Variants in MMP26 observed in about 807,000 individuals in gnomAD.
The protein encoded by MMP26 is matrix metalloproteinase-26.
A neutral mutation model predicts 31.0 loss-of-function variants in MMP26; 33 were observed. That is an observed-to-expected ratio of 1.06 (90% CI 0.81 to 1.42). The LOEUF is 1.42. Among genes scored for constraint, MMP26 ranks in the 40% most tolerant of loss-of-function variants. The probability of loss-of-function intolerance (pLI) is 0.00; values close to 1 mark genes in which losing one functional copy is unlikely to be tolerated. For synonymous variants in MMP26, 122 were observed against 114.9 expected, an observed-to-expected ratio of 1.06 and a Z score of -0.40; for missense variants, 347 against 316.1, an observed-to-expected ratio of 1.10 and a Z score of -0.74.
rs1007355429 is a variant in MMP26 at position 4,722,377 on chromosome 11, T to C, written c.-217+17332T>C. On this transcript the variant is annotated intron_variant, in intron 1 of 7. Transcript: ENST00000380390. ...ATAATGACTCCTTGATCTTAATAGG[T>C]CTACTTTTACTTAATCTTAAATACT... is the stretch of plus-strand genomic sequence containing the variant. Among the ~76,000 whole-genome samples the C allele has an allele frequency of 2.6e-5, 4 of 152,032 alleles. No homozygotes were observed. In the East Asian group the frequency reaches 7.7e-4, roughly 29 times the overall value.
intron 2 of MMP26, among the ~76,000 whole-genome samples, chr11:4,892,340 G>T (rs1295973120): frequency 6.6e-6 from 1 of 152,114 alleles, no homozygotes; most frequent in Non-Finnish European, 1.5e-5. Flanking sequence ...ACTCCAATTA[G>T]GTCAGCTCAG....
At chr11:4,810,162 G>A (rs1849330295) in intron 2 of MMP26, among the ~76,000 whole-genome samples, 1 of 152,162 alleles carries the variant, frequency 6.6e-6, no homozygotes, top group Admixed American at 6.5e-5. Context: ...TAGGAAGGCA[G>A]GGGATTTGAA....
chr11:4,742,496 A>G (rs1038732786), intron 1 of MMP26, among the ~76,000 whole-genome samples: 1 of 152,146 alleles, frequency 6.6e-6, no homozygotes, highest in African/African-American at 2.4e-5. Flanking sequence ...CCGGATGCCT[A>G]GATATATGAT....
intron 2 of MMP26, among the ~76,000 whole-genome samples, chr11:4,980,718 ATTACT>A (rs778688138): frequency 6.6e-6 from 1 of 152,076 alleles, no homozygotes; most frequent in Non-Finnish European, 1.5e-5. Flanking sequence ...AATATGAAAG[ATTACT>A]TTGTGGTGAC....
At chr11:4,860,440 A>T (rs1427703803) in intron 2 of MMP26, 1 of 470,956 alleles carries the variant, frequency 2.1e-6, no homozygotes. Flanking sequence ...ACCATTTCCC[A>T]GGAGTGTGAG....
intron 1 of MMP26, among the ~76,000 whole-genome samples, chr11:4,717,708 A>G (rs999608771): frequency 2.0e-5 from 3 of 152,188 alleles, no homozygotes; most frequent in Non-Finnish European, 4.4e-5. Context: ...AGATTTTCAC[A>G]TACGTTAATC....
At chr11:4,821,436 T>C (rs759337817) in intron 2 of MMP26, 1 of 1,613,940 alleles carries the variant, frequency 6.2e-7, no homozygotes, top group Non-Finnish European at 8.5e-7. Flanking sequence ...CGGTCCTCAA[T>C]AATACCATTG....
rs906122908 is a variant in MMP26, at chr11:4,784,789, T to C, written c.-145+17448T>C. Among the ~76,000 whole-genome samples, 33 of 152,340 alleles carry C rather than the reference T, an allele frequency of 2.2e-4. 1 individual carries two copies. The highest frequency in any genetic ancestry group is 7.2e-4 in the African/African-American group (30 of 41,574). On this transcript the variant is annotated intron_variant, in intron 2 of 7. Transcript: ENST00000380390. Reference sequence around the variant, plus strand: ...ATTCTGGGAAGCTAACATAGGCACATAGCATTATTCTTTAAAAATTTTTAC... The same window carrying C: ...ATTCTGGGAAGCTAACATAGGCACACAGCATTATTCTTTAAAAATTTTTAC...
At chr11:4,901,071 A>G (rs74054649) in intron 2 of MMP26, among the ~76,000 whole-genome samples, 4,922 of 151,030 alleles carry the variant, frequency 0.033, 264 homozygotes, top group African/African-American at 0.11. Context: ...CGTAGCTACA[A>G]GTGTAAGCTT....
chr11:4,748,304 A>T (rs1848405494), intron 1 of MMP26, among the ~76,000 whole-genome samples: 1 of 152,130 alleles, frequency 6.6e-6, no homozygotes, highest in African/African-American at 2.4e-5. Flanking sequence ...AGTAATAAAA[A>T]ATCTTACAAA....
At chr11:4,940,683 C>A (rs41477148) in intron 2 of MMP26, among the ~76,000 whole-genome samples, 15 of 152,116 alleles carry the variant, frequency 9.9e-5, no homozygotes, top group Non-Finnish European at 2.1e-4. Flanking sequence ...AGCTTCTAAA[C>A]GTTGACTCAA....
At chr11:4,723,197 G>A (rs773581537) in intron 1 of MMP26, 481 of 1,563,492 alleles carry the variant, frequency 3.1e-4, no homozygotes, top group Non-Finnish European at 3.8e-4. Flanking sequence ...GGCCTCCAGG[G>A]AAGCCCTCTG....
chr11:4,709,874 A>T (rs1462700023), intron 1 of MMP26: 1 of 456,840 alleles, frequency 2.2e-6, no homozygotes, highest in Non-Finnish European at 4.4e-6. Context: ...GCATTGGCCA[A>T]ATGTTCTTTA....
chr11:4,954,080 T>C (rs1402674118), intron 2 of MMP26, among the ~76,000 whole-genome samples: 1 of 126,158 alleles, frequency 7.9e-6, no homozygotes, highest in African/African-American at 2.7e-5. Flanking sequence ...TTGATTTAAT[T>C]GTATTTCTAA....
chr11:4,823,987 CTATA>C (rs1849547642), intron 2 of MMP26, among the ~76,000 whole-genome samples: 1 of 152,018 alleles, frequency 6.6e-6, no homozygotes, highest in Admixed American at 6.6e-5. Flanking sequence ...CTTAGATAAC[CTATA>C]TATAAGAGTC....
chr11:4,733,295 T>C (rs1330817028), intron 1 of MMP26, among the ~76,000 whole-genome samples: 1 of 152,238 alleles, frequency 6.6e-6, no homozygotes, highest in African/African-American at 2.4e-5. Context: ...ATATGACATG[T>C]TGTTCCATTT....
rs1200388632 is a variant in MMP26, at chr11:4,803,073, T to G, written c.-145+35732T>G. ...TTTGATGTAAATTTCTAAATTTCTT[T>G]TAAGCAAAGTGTACCTACTTCTACT... On this transcript the variant is annotated intron_variant, in intron 2 of 7. Coordinates refer to ENST00000380390, the MANE Select transcript of MMP26 (RefSeq NM_021801.5). Among the ~76,000 whole-genome samples the G allele has an allele frequency of 2.6e-5, 4 of 152,228 alleles. No homozygotes were observed. In the East Asian group the frequency reaches 7.7e-4, roughly 29 times the overall value.
At chr11:4,822,051 G>T in intron 2 of MMP26, 2 of 1,613,720 alleles carry the variant, frequency 1.2e-6, no homozygotes, top group Middle Eastern at 1.7e-4. Flanking sequence ...CCACTACAGG[G>T]TTTGACTGCC....
At chr11:4,733,984 T>C (rs1048199761) in intron 1 of MMP26, among the ~76,000 whole-genome samples, 1 of 152,218 alleles carries the variant, frequency 6.6e-6, no homozygotes, top group African/African-American at 2.4e-5. Flanking sequence ...TTTTTTCTAA[T>C]GTTAAATCAA....
Sources: allele counts gnomAD v4.1 joint callset (sites outside exome capture counted in the v4.1 genomes callset), GRCh38; gene constraint gnomAD v4.1.1; transcripts MANE v1.5; gene names NCBI Gene and HGNC (gene_info 2026-07-23, HGNC 2026-07-21).